CDH10: variants seen among roughly 807,000 people sequenced by gnomAD.
CDH10 encodes the protein cadherin 10.
Under a neutral mutation model 73.1 loss-of-function variants are expected in CDH10, and 30 were observed. The observed-to-expected ratio is 0.41, with a 90% CI of 0.31 to 0.56. The LOEUF (loss-of-function observed/expected upper bound fraction) is 0.56, where lower values mean the gene tolerates loss of function less well. Ranked by LOEUF, CDH10 falls within the 20% of genes least tolerant of loss-of-function variation. The pLI, the probability that CDH10 is intolerant of heterozygous loss-of-function variation, is 0.27. For synonymous variants in CDH10, 345 were observed against 348.2 expected (o/e 0.99, Z 0.10); for missense variants, 815 against 973.7 (o/e 0.84, Z 2.17).
At chr5:24,571,273 G>C (rs185909170) in intron 2 of CDH10, among the ~76,000 whole-genome samples, 13 of 152,060 alleles carry the variant, frequency 8.5e-5, no homozygotes, top group Admixed American at 7.9e-4. Flanking sequence ...TAGAGATAAA[G>C]GGCAAAACAT....
chr5:24,583,287 G>A (rs939632440), intron 2 of CDH10, among the ~76,000 whole-genome samples: 5 of 149,428 alleles, frequency 3.3e-5, no homozygotes, highest in African/African-American at 1.2e-4. Flanking sequence ...GATAACACAC[G>A]TCTTTACATG....
At chr5:24,575,467 C>T (rs1179562783) in intron 2 of CDH10, among the ~76,000 whole-genome samples, 2 of 151,326 alleles carry the variant, frequency 1.3e-5, no homozygotes. Flanking sequence ...GATACTTTAC[C>T]TAAAAATCAA....
chr5:24,573,518 G>C (rs978607155), intron 2 of CDH10, among the ~76,000 whole-genome samples: 41 of 151,632 alleles, frequency 2.7e-4, no homozygotes, highest in Non-Finnish European at 4.0e-4. Flanking sequence ...TGGCTAACAC[G>C]GTGAAACCCC....
At chr5:24,562,814 C>CTT (rs34566939) in intron 2 of CDH10, among the ~76,000 whole-genome samples, 21 of 151,860 alleles carry the variant, frequency 1.4e-4, no homozygotes, top group African/African-American at 1.7e-4. Flanking sequence ...AAAAAAATAC[C>CTT]TTTTTTTAAA....
At chr5:24,639,494 C>A (rs892499839) in intron 1 of CDH10, among the ~76,000 whole-genome samples, 1 of 151,486 alleles carries the variant, frequency 6.6e-6, no homozygotes, top group Admixed American at 6.6e-5. Flanking sequence ...GAGAGAATTC[C>A]CAGTATAACT....
rs112914611 is a variant in CDH10, at chr5:24,627,520, G to A, written c.-124+17074C>T. Among the ~76,000 whole-genome samples, 238 of 152,214 alleles carry A rather than the reference G, an allele frequency of 1.6e-3. 1 individual carries two copies. The highest frequency in any genetic ancestry group is 5.2e-3 in the African/African-American group (216 of 41,544). ...CATGCAATAGCGGTTACGAATGGAG[G>A]AGCAGGGACCATATTATAAGAGTTT... On this transcript the variant is annotated intron_variant, in intron 1 of 11. Coordinates refer to ENST00000264463, the MANE Select transcript of CDH10 (RefSeq NM_006727.5).
intron 2 of CDH10, among the ~76,000 whole-genome samples, chr5:24,576,867 C>G (rs1745625200): frequency 6.6e-6 from 1 of 151,814 alleles, no homozygotes; most frequent in East Asian, 1.9e-4. Flanking sequence ...ACCTAGGTTT[C>G]AAGGTTAACA....
chr5:24,644,516 C>T (rs1156912834), intron 1 of CDH10, 78 bp downstream of exon 1: 1 of 151,794 alleles, frequency 6.6e-6, no homozygotes, highest in African/African-American at 2.4e-5. Context: ...TATCTCCTCC[C>T]TCTCCCCCCC....
chr5:24,587,056 G>A (rs575225501), intron 2 of CDH10, among the ~76,000 whole-genome samples: 134 of 151,524 alleles, frequency 8.8e-4, no homozygotes, highest in African/African-American at 3.2e-3. Context: ...GTGTTAGCCA[G>A]AATGGTCTCG....
At chr5:24,593,150 GA>G in intron 2 of CDH10, 109 bp downstream of exon 2, 2 of 649,844 alleles carry the variant, frequency 3.1e-6, no homozygotes, top group Non-Finnish European at 5.4e-6. Context: ...CCTTTAGGGA[GA>G]TTTAAAGAAT....
intron 5 of CDH10, among the ~76,000 whole-genome samples, chr5:24,523,066 G>A (rs969172701): frequency 2.0e-5 from 3 of 150,584 alleles, no homozygotes; most frequent in Admixed American, 2.0e-4. Flanking sequence ...AATATGCAAA[G>A]ATAACTAATA....
chr5:24,512,355 A>T (rs1742947152), intron 5 of CDH10, among the ~76,000 whole-genome samples: 1 of 152,182 alleles, frequency 6.6e-6, no homozygotes, highest in Admixed American at 6.5e-5. Context: ...ATATGTATTT[A>T]TGTGTGTTTA....
At chr5:24,583,967 T>A (rs1374290261) in intron 2 of CDH10, among the ~76,000 whole-genome samples, 1 of 152,142 alleles carries the variant, frequency 6.6e-6, no homozygotes, top group Non-Finnish European at 1.5e-5. Context: ...TAATGGCGAA[T>A]GAGGTATAAT....
intron 5 of CDH10, among the ~76,000 whole-genome samples, chr5:24,531,212 C>T (rs1743732415): frequency 1.3e-5 from 2 of 152,036 alleles, no homozygotes; most frequent in African/African-American, 4.8e-5. Context: ...CCCCCTTCCC[C>T]AGTCACCAAA....
chr5:24,643,285 G>A (rs1273532668), intron 1 of CDH10, among the ~76,000 whole-genome samples: 7 of 151,902 alleles, frequency 4.6e-5, no homozygotes, highest in Admixed American at 2.0e-4. Context: ...ATGAACATAC[G>A]GCTCTGTCAA....
At chr5:24,522,166 C>G (rs930860051) in intron 5 of CDH10, among the ~76,000 whole-genome samples, 1 of 100,622 alleles carries the variant, frequency 9.9e-6, no homozygotes, top group Non-Finnish European at 2.2e-5. Flanking sequence ...AACAAACAAA[C>G]AAACAAAAAA....
At chr5:24,524,708 G>A (rs1743462696) in intron 5 of CDH10, among the ~76,000 whole-genome samples, 1 of 152,006 alleles carries the variant, frequency 6.6e-6, no homozygotes, top group African/African-American at 2.4e-5. Flanking sequence ...AAGGAGAGAG[G>A]TAATTGCCAT....
In CDH10 at chr5:24,535,692, T is replaced by C. The variant is rs1743925927; in HGVS notation, c.646+11A>G. 18 of 1,602,146 alleles carry C rather than the reference T, an allele frequency of 1.1e-5. No homozygotes were observed. Among genetic ancestry groups the C allele is most frequent in the Non-Finnish European group, 1.4e-5 (17 of 1,174,588 alleles). ...GATCAAATGAACAAACAGCAATTCA[T>C]GATTCCTGACCTGTTTCAGGCTCCA... is the stretch of plus-strand genomic sequence containing the variant. On this transcript the variant is annotated intron_variant, in intron 4 of 11. Coordinates refer to ENST00000264463, the MANE Select transcript of CDH10 (RefSeq NM_006727.5).
chr5:24,571,976 A>T (rs1355920972), intron 2 of CDH10, among the ~76,000 whole-genome samples: 1 of 152,004 alleles, frequency 6.6e-6, no homozygotes, highest in African/African-American at 2.4e-5. Context: ...CTACAAATAA[A>T]AAAAAAAAAT....
Sources: gnomAD v4.1 joint callset for allele counts (sites outside exome capture counted in the v4.1 genomes callset) on GRCh38, gnomAD v4.1.1 for gene constraint, MANE v1.5 for transcripts, NCBI Gene and HGNC (gene_info 2026-07-23, HGNC 2026-07-21) for gene names.